Variants in CCDC171 observed in about 807,000 individuals in gnomAD.
The protein encoded by CCDC171 is coiled-coil domain-containing protein 171.
A neutral mutation model predicts 168.2 loss-of-function variants in CCDC171; 177 were observed. That is an observed-to-expected ratio of 1.05 (90% confidence interval 0.93 to 1.19). The LOEUF is 1.19. Among genes scored for constraint, CCDC171 ranks in the 50% most tolerant of loss-of-function variants. The probability of loss-of-function intolerance (pLI) is 0.00; values close to 1 mark genes in which losing one functional copy is unlikely to be tolerated. For missense variants in CCDC171, 1,991 were observed against 1,539.0 expected, an observed-to-expected ratio of 1.29 and a Z score of -4.91; for synonymous variants, 687 against 540.8, an observed-to-expected ratio of 1.27 and a Z score of -3.75.
In CCDC171 at chr9:15,641,070, C is replaced by G. The variant is rs115418916; in HGVS notation, c.823-16057C>G. On this transcript the variant is annotated intron_variant, in intron 7 of 25. Coordinates refer to ENST00000380701, the MANE Select transcript of CCDC171 (RefSeq NM_173550.4). ...ATTAATCAGTCTATGATGATTCAGT[C>G]CCTTGGAATCACCTTTTTGTAGATG... Among the ~76,000 whole-genome samples, 903 of 152,130 alleles carry G rather than the reference C, an allele frequency of 5.9e-3. 8 individuals are homozygous for G. The highest frequency in any genetic ancestry group is 0.021 in the African/African-American group (879 of 41,518).
At chr9:15,691,273 A>C (rs2050753968) in intron 10 of CCDC171, among the ~76,000 whole-genome samples, 1 of 151,966 alleles carries the variant, frequency 6.6e-6, no homozygotes, top group Non-Finnish European at 1.5e-5. Context: ...CAGCTAAAAA[A>C]GTTTCTGACG....
At chr9:15,858,770 C>T (rs1036688007) in intron 23 of CCDC171, among the ~76,000 whole-genome samples, 5 of 151,976 alleles carry the variant, frequency 3.3e-5, no homozygotes, top group Middle Eastern at 3.4e-3. Context: ...ATGTTCCATA[C>T]GTAAGGAATA....
At chr9:15,827,943 T>A (rs888272581) in intron 21 of CCDC171, among the ~76,000 whole-genome samples, 11 of 152,218 alleles carry the variant, frequency 7.2e-5, no homozygotes, top group Non-Finnish European at 1.5e-4. Context: ...TTTCTTAGAA[T>A]CCATTTTTAA....
At chr9:16,098,990 A>G in the CCDC171 span, among the ~76,000 whole-genome samples, 1 of 152,206 alleles carries the variant, frequency 6.6e-6, no homozygotes, top group Admixed American at 6.5e-5. Flanking sequence ...GGATATAATA[A>G]GCCCTTATTT....
chr9:16,035,092 G>A (rs544111880), intron 6 of CCDC171, among the ~76,000 whole-genome samples: 15 of 152,276 alleles, frequency 9.9e-5, no homozygotes, highest in African/African-American at 3.6e-4. Flanking sequence ...GAAAACTTAG[G>A]TAAAGCAGCA....
intron 25 of CCDC171, among the ~76,000 whole-genome samples, chr9:15,961,092 T>C (rs1000307237): frequency 6.6e-6 from 1 of 152,170 alleles, no homozygotes; most frequent in Non-Finnish European, 1.5e-5. Flanking sequence ...CAGATACTTA[T>C]ATTGTTAGAA....
At chr9:15,591,695 A>G (rs562598871) in intron 5 of CCDC171, 139 bp downstream of exon 5, 25 of 587,314 alleles carry the variant, frequency 4.3e-5, no homozygotes, top group Non-Finnish European at 6.5e-5. Context: ...TTTCTTTTTT[A>G]GGGGCATATT....
rs908426674 is a variant in CCDC171 at position 15,982,418 on chromosome 9, G to C, written n.369-38171G>C. Among the ~76,000 whole-genome samples, 5 of 152,154 alleles carry C rather than the reference G, an allele frequency of 3.3e-5. No individual in the cohort carries two copies. In the South Asian group the frequency reaches 1.0e-3, roughly 32 times the overall value. ...TCTACTGAGCTCTTGTAAGCATTAC[G>C]TGACAGAGTATTTAGCACACAGCCA... On this transcript the variant is annotated intron_variant and non_coding_transcript_variant, in intron 3 of 9. Transcript: ENST00000486641.
intron 7 of CCDC171, among the ~76,000 whole-genome samples, chr9:15,643,177 CATTT>C (rs1455034107): frequency 2.0e-5 from 3 of 151,878 alleles, no homozygotes; most frequent in Non-Finnish European, 4.4e-5. Flanking sequence ...CTTTTAAAAT[CATTT>C]ATTCTCAATC....
intron 7 of CCDC171, among the ~76,000 whole-genome samples, chr9:15,643,126 G>T (rs2046772073): frequency 6.6e-6 from 1 of 151,832 alleles, no homozygotes; most frequent in African/African-American, 2.4e-5. Flanking sequence ...ACATGAGTAA[G>T]TTCTTTAGTT....
At chr9:15,619,850 G>A (rs1018822281) in intron 6 of CCDC171, among the ~76,000 whole-genome samples, 10 of 152,130 alleles carry the variant, frequency 6.6e-5, no homozygotes, top group Non-Finnish European at 1.3e-4. Flanking sequence ...AATATTGCTG[G>A]TGAGTTTAAG....
chr9:15,921,113 A>G (rs1009405843), intron 25 of CCDC171, among the ~76,000 whole-genome samples: 1 of 151,892 alleles, frequency 6.6e-6, no homozygotes, highest in Middle Eastern at 3.4e-3. Flanking sequence ...CAATAATTGG[A>G]ATGTCTTTTT....
In CCDC171 at chr9:15,724,781, T is replaced by G; in HGVS notation, c.1497T>G (p.Leu499=). ...IDSHTKNIKE[L]QDKLADVNKE... ...TTATTTGGTATCTATGACAGGAACT[T>G]CAGGATAAACTGGCTGATGTTAATA... Residue 499 remains leucine (L), a synonymous_variant, in exon 14 of 26, where the codon CTT becomes CTG. Transcript: ENST00000380701. 6.2e-7 allele frequency: 1 copy of G among 1,612,466 alleles called. No homozygotes were observed.
the CCDC171 span, among the ~76,000 whole-genome samples, chr9:16,091,002 G>T: frequency 1.3e-5 from 2 of 151,978 alleles, no homozygotes; most frequent in Non-Finnish European, 2.9e-5. Flanking sequence ...TCTCTTTTCT[G>T]TCCTCTGCCT....
intron 23 of CCDC171, among the ~76,000 whole-genome samples, chr9:15,857,533 G>A (rs747535723): frequency 6.6e-6 from 1 of 151,436 alleles, no homozygotes; most frequent in Non-Finnish European, 1.5e-5. Context: ...AGTGATTCTC[G>A]TTCCTCAACC....
chr9:15,614,144 A>C (rs1301314001), intron 6 of CCDC171, among the ~76,000 whole-genome samples: 4 of 152,138 alleles, frequency 2.6e-5, no homozygotes, highest in African/African-American at 9.7e-5. Context: ...CAGAGATGAG[A>C]GACTGAGGCC....
intron 25 of CCDC171, among the ~76,000 whole-genome samples, chr9:15,963,543 T>C (rs1021915400): frequency 3.3e-5 from 5 of 152,198 alleles, no homozygotes; most frequent in African/African-American, 1.2e-4. Flanking sequence ...CCTAACTACA[T>C]GGCATGAGTT....
intron 3 of CCDC171, among the ~76,000 whole-genome samples, chr9:15,983,705 T>C (rs2132877614): frequency 6.6e-6 from 1 of 152,224 alleles, no homozygotes; most frequent in Middle Eastern, 3.4e-3. Context: ...AGGAGTTAAA[T>C]AATCTGCTCA....
At chr9:15,797,813 A>G (rs1056104071) in intron 21 of CCDC171, among the ~76,000 whole-genome samples, 1 of 152,206 alleles carries the variant, frequency 6.6e-6, no homozygotes, top group African/African-American at 2.4e-5. Flanking sequence ...GTTAATTTTT[A>G]TACATGGTGT....
Sources: gnomAD v4.1 joint callset for allele counts (sites outside exome capture counted in the v4.1 genomes callset) on GRCh38, gnomAD v4.1.1 for gene constraint, MANE v1.5 for transcripts, NCBI Gene and HGNC (gene_info 2026-07-23, HGNC 2026-07-21) for gene names.